The following TBC1D5 variants were observed in gnomAD, a reference collection of about 807,000 sequenced individuals.
The protein encoded by TBC1D5 is TBC1 domain family member 5, also known as TBC1 domain family, member 5.
TBC1D5 carries 75 observed loss-of-function variants against 100.3 expected under a neutral mutation model. The observed-to-expected ratio is 0.75, with a 90% CI of 0.62 to 0.91. The LOEUF (loss-of-function observed/expected upper bound fraction) is 0.91, where lower values mean the gene tolerates loss of function less well. Among genes scored for constraint, TBC1D5 ranks in the 40% least tolerant of loss-of-function variants. The pLI, the probability that TBC1D5 is intolerant of heterozygous loss-of-function variation, is 0.00. For missense variants in TBC1D5, 910 were observed against 942.4 expected (o/e 0.97, Z 0.45); for synonymous variants, 323 against 325.6 (o/e 0.99, Z 0.09).
intron 3 of TBC1D5, among the ~76,000 whole-genome samples, chr3:17,429,675 G>C (rs1437359980): frequency 1.3e-5 from 2 of 151,682 alleles, no homozygotes; most frequent in Non-Finnish European, 3.0e-5. Context: ...TAGTATCTAA[G>C]GTACTATACT....
At chr3:17,700,950 T>G (rs571375947) in intron 1 of TBC1D5, among the ~76,000 whole-genome samples, 1 of 152,286 alleles carries the variant, frequency 6.6e-6, no homozygotes, top group Non-Finnish European at 1.5e-5. Flanking sequence ...GAACTCGAAA[T>G]ACCATTTGAC....
At chr3:17,288,391 A>G (rs1352555046) in intron 15 of TBC1D5, among the ~76,000 whole-genome samples, 1 of 152,194 alleles carries the variant, frequency 6.6e-6, no homozygotes, top group African/African-American at 2.4e-5. Context: ...TTCCAGCCAA[A>G]GACAGTTTAA....
chr3:17,197,682 T>G (rs2125741465), intron 18 of TBC1D5, among the ~76,000 whole-genome samples: 1 of 152,270 alleles, frequency 6.6e-6, no homozygotes, highest in Admixed American at 6.5e-5. Flanking sequence ...TCCCTGTGGT[T>G]TTTAATGCAT....
intron 13 of TBC1D5, among the ~76,000 whole-genome samples, chr3:17,358,477 T>C (rs1268308261): frequency 6.6e-6 from 1 of 152,140 alleles, no homozygotes; most frequent in African/African-American, 2.4e-5. Flanking sequence ...TGAGCCATTG[T>C]GCCTGGCCCA....
At position 17,322,294 on chromosome 3, in the gene TBC1D5, TTC is replaced by T. The variant is rs1448093100; in HGVS notation, c.996-14162_996-14161del. Among the ~76,000 whole-genome samples, 4 of 152,224 alleles carry T rather than the reference TTC, an allele frequency of 2.6e-5. No individual in the cohort carries two copies. The East Asian group carries it at 7.7e-4, about 29-fold the overall frequency. The stretch of plus-strand genomic sequence containing the variant: ...ATTGTTTTGTTTTCAATGTTTCTGT[TTC>T]TGTTTCCTTTGCATTAGGAGTGATT... On this transcript the variant is annotated intron_variant, in intron 13 of 21. Transcript: ENST00000253692.
chr3:17,729,302 T>C (rs911549946), intron 1 of TBC1D5, among the ~76,000 whole-genome samples: 1 of 149,900 alleles, frequency 6.7e-6, no homozygotes, highest in African/African-American at 2.5e-5. Flanking sequence ...TCCAGAAATA[T>C]GCTTAGGGTA....
intron 14 of TBC1D5, among the ~76,000 whole-genome samples, chr3:17,305,355 G>A (rs778947691): frequency 6.6e-6 from 1 of 152,062 alleles, no homozygotes; most frequent in Non-Finnish European, 1.5e-5. Context: ...TTAGGTAATA[G>A]GACCATATAA....
rs894481433 is a variant in TBC1D5, at chr3:17,163,259, CCCCCCCTTCCTTG to C, written c.2095-2016_2095-2004del. Among the ~76,000 whole-genome samples, 3 of 54,404 alleles carry C rather than the reference CCCCCCCTTCCTTG, an allele frequency of 5.5e-5. No individual in the cohort carries two copies. In the Admixed American group the frequency reaches 6.3e-4, roughly 11 times the overall value. 35.7% of individuals were successfully genotyped at this position (54,404 alleles called of 152,430 possible). ...AGCAGCCATTTTCTTTTATTGACCC[CCCCCCCTTCCTTG>C]CCCCTTTGCATTACAGATCAAGAAA... On this transcript the variant is annotated intron_variant, in intron 21 of 21. Coordinates refer to ENST00000253692, the Ensembl canonical transcript of TBC1D5.
At chr3:17,692,455 C>A (rs1469501156) in intron 1 of TBC1D5, among the ~76,000 whole-genome samples, 2 of 152,050 alleles carry the variant, frequency 1.3e-5, no homozygotes, top group Admixed American at 6.5e-5. Context: ...TGAATTAATT[C>A]TTAAAAATCC....
intron 3 of TBC1D5, among the ~76,000 whole-genome samples, chr3:17,428,946 C>T (rs2094396792): frequency 1.3e-5 from 2 of 151,878 alleles, no homozygotes; most frequent in Admixed American, 6.6e-5. Flanking sequence ...GTTTGATGCT[C>T]TCTAGGAATT....
At chr3:17,203,163 G>T (rs560991868) in intron 18 of TBC1D5, among the ~76,000 whole-genome samples, 1 of 152,222 alleles carries the variant, frequency 6.6e-6, no homozygotes, top group Admixed American at 6.5e-5. Context: ...TTGCATGAGT[G>T]TTGTCTGGAT....
At chr3:17,276,177 A>G (rs917753618) in intron 15 of TBC1D5, among the ~76,000 whole-genome samples, 1 of 152,304 alleles carries the variant, frequency 6.6e-6, no homozygotes, top group East Asian at 1.9e-4. Context: ...TCCTCGGTTC[A>G]TAGATAGTGC....
At chr3:17,455,280 GTA>G (rs1266393249) in intron 3 of TBC1D5, among the ~76,000 whole-genome samples, 4 of 145,094 alleles carry the variant, frequency 2.8e-5, no homozygotes, top group Admixed American at 6.9e-5. Context: ...ATATATGTGT[GTA>G]TATATGTATA....
At chr3:17,632,576 C>T (rs537687840) in intron 1 of TBC1D5, among the ~76,000 whole-genome samples, 7 of 152,264 alleles carry the variant, frequency 4.6e-5, no homozygotes, top group East Asian at 3.9e-4. Flanking sequence ...TCAACTGATA[C>T]GGCAAATTGC....
chr3:17,706,737 T>C (rs945596472), intron 1 of TBC1D5, among the ~76,000 whole-genome samples: 29 of 151,974 alleles, frequency 1.9e-4, no homozygotes, highest in African/African-American at 6.5e-4. Flanking sequence ...TGAGTTTAAA[T>C]TATATTAAAT....
intron 3 of TBC1D5, among the ~76,000 whole-genome samples, chr3:17,480,867 C>T (rs561355609): frequency 6.6e-6 from 1 of 152,352 alleles, no homozygotes; most frequent in South Asian, 2.1e-4. Flanking sequence ...ATCCAGTTGT[C>T]CGTGTACCTC....
intron 21 of TBC1D5, among the ~76,000 whole-genome samples, chr3:17,162,229 G>T (rs2066133486): frequency 6.6e-6 from 1 of 152,196 alleles, no homozygotes; most frequent in African/African-American, 2.4e-5. Context: ...TCGTGCTGGG[G>T]TCTCAAGTCT....
At chr3:17,226,283 A>G (rs1485836401) in intron 17 of TBC1D5, among the ~76,000 whole-genome samples, 1 of 149,330 alleles carries the variant, frequency 6.7e-6, no homozygotes, top group African/African-American at 2.5e-5. Flanking sequence ...CATAAGCTAC[A>G]TACTGGTTCC....
intron 19 of TBC1D5, among the ~76,000 whole-genome samples, chr3:17,171,394 G>T (rs1322241215): frequency 6.6e-6 from 1 of 152,160 alleles, no homozygotes; most frequent in Non-Finnish European, 1.5e-5. Context: ...CTACAAACTG[G>T]GTGGCCTAAA....
Sources: gnomAD v4.1 joint callset for allele counts (sites outside exome capture counted in the v4.1 genomes callset) on GRCh38, gnomAD v4.1.1 for gene constraint, MANE v1.5 for transcripts, NCBI Gene and HGNC (gene_info 2026-07-23, HGNC 2026-07-21) for gene names.